The following MAJIN variants were observed in gnomAD, a reference collection of about 807,000 sequenced individuals.
The protein encoded by MAJIN is membrane anchored junction protein.
In MAJIN, 27 loss-of-function variants were observed where a neutral mutation model predicts 30.2. The ratio of observed to expected loss-of-function variants is 0.89; its 90% CI spans 0.66 to 1.23. The LOEUF is 1.23. Ranked by LOEUF, MAJIN falls within the 50% of genes most tolerant of loss-of-function variation. The probability of loss-of-function intolerance (pLI) is 0.00; values close to 1 mark genes in which losing one functional copy is unlikely to be tolerated. For synonymous variants in MAJIN, 78 were observed against 91.6 expected (o/e 0.85, Z 0.85); for missense variants, 253 against 260.3 (o/e 0.97, Z 0.19).
At chr11:64,971,540 G>C (rs764874339) in intron 1 of MAJIN, among the ~76,000 whole-genome samples, 2 of 151,954 alleles carry the variant, frequency 1.3e-5, no homozygotes, top group Admixed American at 6.6e-5. Flanking sequence ...CTCTGGAGTC[G>C]GCGGACGACA....
intron 6 of MAJIN, among the ~76,000 whole-genome samples, chr11:64,949,152 T>C (rs926181304): frequency 2.1e-5 from 3 of 145,070 alleles, no homozygotes; most frequent in African/African-American, 5.2e-5. Flanking sequence ...GTCAGACCCC[T>C]GTCTCTACTA....
intron 9 of MAJIN, 78 bp downstream of exon 9, chr11:64,940,496 G>T: frequency 6.9e-7 from 1 of 1,446,972 alleles, no homozygotes; most frequent in Non-Finnish European, 9.7e-7. Flanking sequence ...TCAGCTCTGT[G>T]CTGCTCTACA....
chr11:64,965,790 A>G (rs915283767), intron 1 of MAJIN, among the ~76,000 whole-genome samples: 3 of 151,994 alleles, frequency 2.0e-5, no homozygotes, highest in African/African-American at 7.3e-5. Flanking sequence ...CCCCATCTCT[A>G]CTAAAAATAC....
intron 3 of MAJIN, 152 bp downstream of exon 3, chr11:64,959,153 T>C: frequency 2.0e-6 from 1 of 500,354 alleles, no homozygotes; most frequent in Non-Finnish European, 3.6e-6. Context: ...ATAATATATA[T>C]ACTGAATATA....
chr11:64,965,996 T>C (rs1047951580), intron 1 of MAJIN, among the ~76,000 whole-genome samples: 1 of 151,038 alleles, frequency 6.6e-6, no homozygotes, highest in South Asian at 2.1e-4. Context: ...CTGAATTCAC[T>C]GCAGCACTCT....
intron 3 of MAJIN, among the ~76,000 whole-genome samples, chr11:64,956,223 C>T (rs1170380169): frequency 5.9e-5 from 9 of 152,150 alleles, no homozygotes; most frequent in East Asian, 3.9e-4. Context: ...TTGCTTGAAC[C>T]GGGAGGCAGA....
chr11:64,966,289 C>T (rs1287938240), intron 1 of MAJIN, among the ~76,000 whole-genome samples: 1 of 152,032 alleles, frequency 6.6e-6, no homozygotes, highest in East Asian at 1.9e-4. Flanking sequence ...AATCTTAGCA[C>T]TCTGGGAGTC....
intron 8 of MAJIN, among the ~76,000 whole-genome samples, chr11:64,943,962 C>G (rs1326904610): frequency 1.3e-5 from 2 of 152,230 alleles, no homozygotes; most frequent in African/African-American, 2.4e-5. Flanking sequence ...AGTGGGCCAG[C>G]TGGCCACAGC....
At chr11:64,956,450 T>C (rs1402076010) in intron 3 of MAJIN, among the ~76,000 whole-genome samples, 1 of 151,938 alleles carries the variant, frequency 6.6e-6, no homozygotes, top group African/African-American at 2.4e-5. Flanking sequence ...GATCGCACCA[T>C]TGCACTCCAG....
intron 4 of MAJIN, among the ~76,000 whole-genome samples, chr11:64,951,712 C>T (rs1945553544): frequency 6.9e-6 from 1 of 144,592 alleles, no homozygotes; most frequent in African/African-American, 2.6e-5. Flanking sequence ...CTGCAGTGAG[C>T]TATGATTGCA....
chr11:64,965,274 T>C (rs147408000), intron 1 of MAJIN, among the ~76,000 whole-genome samples: 1 of 152,280 alleles, frequency 6.6e-6, no homozygotes, highest in East Asian at 1.9e-4. Context: ...TAGTTTTGTT[T>C]TGTTTGGTGG....
chr11:64,966,476 A>G (rs1945811548), intron 1 of MAJIN, among the ~76,000 whole-genome samples: 1 of 152,160 alleles, frequency 6.6e-6, no homozygotes, highest in Non-Finnish European at 1.5e-5. Context: ...CGGAGGTTGC[A>G]GTGAGCCAAG....
At chr11:64,961,325 G>A (rs960305609) in intron 1 of MAJIN, among the ~76,000 whole-genome samples, 23 of 151,298 alleles carry the variant, frequency 1.5e-4, no homozygotes, top group African/African-American at 2.9e-4. Flanking sequence ...ACACCACCAC[G>A]CCCAGCTAAT....
intron 1 of MAJIN, among the ~76,000 whole-genome samples, chr11:64,966,815 T>G (rs1462788412): frequency 6.6e-6 from 1 of 151,692 alleles, no homozygotes; most frequent in Non-Finnish European, 1.5e-5. Context: ...GTGCCTGTAA[T>G]TCCAGCTACT....
chr11:64,943,509 G>A (rs977298697), intron 8 of MAJIN, among the ~76,000 whole-genome samples: 1 of 152,204 alleles, frequency 6.6e-6, no homozygotes, highest in Non-Finnish European at 1.5e-5. Flanking sequence ...ATTAAGCAAT[G>A]GACCATAGGA....
intron 3 of MAJIN, among the ~76,000 whole-genome samples, chr11:64,958,964 T>A (rs1378673046): frequency 6.6e-6 from 1 of 152,022 alleles, no homozygotes; most frequent in Non-Finnish European, 1.5e-5. Flanking sequence ...TTCAAAGATA[T>A]GTTGTCCTAG....
chr11:64,969,716 A>T (rs1411406181), intron 1 of MAJIN, among the ~76,000 whole-genome samples: 1 of 150,802 alleles, frequency 6.6e-6, no homozygotes, highest in Non-Finnish European at 1.5e-5. Flanking sequence ...TTTGAGACGG[A>T]GTCTTACTCT....
At chr11:64,950,650 C>T (rs1188847579) in intron 4 of MAJIN, among the ~76,000 whole-genome samples, 4 of 152,090 alleles carry the variant, frequency 2.6e-5, no homozygotes, top group Non-Finnish European at 4.4e-5. Context: ...TGCATGATCT[C>T]TGCTCACTGC....
At chr11:64,939,624 T>G in intron 10 of MAJIN, 38 bp downstream of exon 10, 1 of 1,569,610 alleles carries the variant, frequency 6.4e-7, no homozygotes, top group South Asian at 1.1e-5. Context: ...CGCTCTGAGC[T>G]GGATCTCGAG....
Sources: gnomAD v4.1 joint callset for allele counts (sites outside exome capture counted in the v4.1 genomes callset) on GRCh38, gnomAD v4.1.1 for gene constraint, MANE v1.5 for transcripts, NCBI Gene and HGNC (gene_info 2026-07-23, HGNC 2026-07-21) for gene names.